ZSWIM6: variants seen among roughly 807,000 people sequenced by gnomAD.
ZSWIM6 encodes zinc finger SWIM-type containing 6, also known as zinc finger SWIM domain-containing protein 6.
ZSWIM6 carries 9 observed loss-of-function variants against 113.2 expected under a neutral mutation model. The ratio of observed to expected loss-of-function variants is 0.08; its 90% CI spans 0.05 to 0.14. The LOEUF (loss-of-function observed/expected upper bound fraction) is 0.14. Ranked by LOEUF, ZSWIM6 falls within the 10% of genes least tolerant of loss-of-function variation. The pLI is 1.00. For missense variants in ZSWIM6, 1,162 were observed against 1,552.2 expected (o/e 0.75, Z 4.22); for synonymous variants, 611 against 606.5 (o/e 1.01, Z -0.11).
chr5:61,372,298 C>A (rs551239126), intron 1 of ZSWIM6, among the ~76,000 whole-genome samples: 5 of 147,416 alleles, frequency 3.4e-5, no homozygotes, highest in Admixed American at 1.4e-4. Flanking sequence ...TTTTTTTTTT[C>A]ATATCCAAAT....
intron 9 of ZSWIM6, among the ~76,000 whole-genome samples, chr5:61,535,107 C>T (rs1356804058): frequency 6.6e-6 from 1 of 152,086 alleles, no homozygotes; most frequent in Non-Finnish European, 1.5e-5. Flanking sequence ...GCTGTGGTGT[C>T]ATCTGTGCAT....
chr5:61,509,622 A>G (rs1320784504), intron 4 of ZSWIM6, among the ~76,000 whole-genome samples: 1 of 152,186 alleles, frequency 6.6e-6, no homozygotes, highest in Non-Finnish European at 1.5e-5. Flanking sequence ...CTCTTTGCCT[A>G]TAGGCCCAGA....
intron 4 of ZSWIM6, among the ~76,000 whole-genome samples, chr5:61,519,496 T>C (rs1749055336): frequency 6.6e-6 from 1 of 152,192 alleles, no homozygotes; most frequent in African/African-American, 2.4e-5. Context: ...TTTTATTTTC[T>C]CTCTCCAATC....
chr5:61,343,603 G>C (rs1187765128), intron 1 of ZSWIM6, among the ~76,000 whole-genome samples: 1 of 152,156 alleles, frequency 6.6e-6, no homozygotes, highest in African/African-American at 2.4e-5. Context: ...GGCATACCTG[G>C]AGTCTTTTCT....
chr5:61,438,222 A>G (rs377759819), intron 1 of ZSWIM6, among the ~76,000 whole-genome samples: 1 of 152,224 alleles, frequency 6.6e-6, no homozygotes, highest in Non-Finnish European at 1.5e-5. Context: ...TTGCTGATGA[A>G]AGATAGTCAT....
intron 5 of ZSWIM6, among the ~76,000 whole-genome samples, chr5:61,522,642 G>A (rs966869826): frequency 6.6e-6 from 1 of 152,202 alleles, no homozygotes; most frequent in Non-Finnish European, 1.5e-5. Context: ...TTCAATATTT[G>A]AAGTCTGTCA....
intron 1 of ZSWIM6, among the ~76,000 whole-genome samples, chr5:61,385,829 C>G (rs575302832): frequency 6.6e-6 from 1 of 152,238 alleles, no homozygotes; most frequent in Admixed American, 6.5e-5. Context: ...TCTTGTCTTT[C>G]GAATAGAGGC....
chr5:61,508,353 A>G (rs1748683701), intron 4 of ZSWIM6, among the ~76,000 whole-genome samples: 1 of 152,210 alleles, frequency 6.6e-6, no homozygotes, highest in African/African-American at 2.4e-5. Context: ...TTGAAGTGAT[A>G]AAATTAGCAT....
intron 1 of ZSWIM6, among the ~76,000 whole-genome samples, chr5:61,398,323 T>G (rs1745881015): frequency 6.6e-6 from 1 of 152,176 alleles, no homozygotes; most frequent in Non-Finnish European, 1.5e-5. Flanking sequence ...GGATCTAGGT[T>G]GCACACTCCT....
intron 1 of ZSWIM6, among the ~76,000 whole-genome samples, chr5:61,384,011 G>A (rs929637796): frequency 2.8e-4 from 42 of 150,772 alleles, no homozygotes; most frequent in African/African-American, 9.9e-4. Context: ...GGAGGCCGAG[G>A]CAGGTGGATC....
chr5:61,390,897 T>C lies in ZSWIM6; in HGVS notation c.676+57949T>C, dbSNP rs942333479. On this transcript the variant is annotated intron_variant, in intron 1 of 13. Coordinates refer to ENST00000252744, the MANE Select transcript of ZSWIM6 (RefSeq NM_020928.2). Reference sequence around the variant, plus strand: ...ACAGTCTTTCAGCATGACAAAGTCATTGGTCACTTCACCATAGTGGACAAA... The same window carrying C: ...ACAGTCTTTCAGCATGACAAAGTCACTGGTCACTTCACCATAGTGGACAAA... 3.4e-6 allele frequency: 3 copies of C among 883,664 alleles called. No homozygotes were observed. In the African/African-American group the frequency reaches 4.9e-5, roughly 14 times the overall value. The allele number at this position is 883,664 out of a possible 1,614,324, so 54.7% of individuals were successfully genotyped here.
At chr5:61,450,133 T>G (rs1032970257) in intron 1 of ZSWIM6, among the ~76,000 whole-genome samples, 1 of 152,186 alleles carries the variant, frequency 6.6e-6, no homozygotes. Flanking sequence ...TCCAGGAGCC[T>G]CTTGAGCCTT....
intron 7 of ZSWIM6, among the ~76,000 whole-genome samples, chr5:61,526,722 C>T (rs1315413224): frequency 1.3e-5 from 2 of 152,038 alleles, no homozygotes; most frequent in Non-Finnish European, 2.9e-5. Context: ...TGTGGAAGTG[C>T]ATTTTAATTC....
intron 1 of ZSWIM6, among the ~76,000 whole-genome samples, chr5:61,449,548 G>T (rs1747040760): frequency 1.3e-5 from 2 of 152,022 alleles, no homozygotes; most frequent in African/African-American, 4.8e-5. Flanking sequence ...TTATTTAATT[G>T]TTAACAGCCT....
chr5:61,454,214 AATTTTATTTTATTTT>A (rs140502029), intron 1 of ZSWIM6, among the ~76,000 whole-genome samples: 21,382 of 128,408 alleles, frequency 0.17, 1,952 homozygotes, highest in Admixed American at 0.22. Flanking sequence ...GAGTTCCCTA[AATTTTATTTTATTTT>A]ATTTTATTTT....
At chr5:61,534,752 G>A (rs1314558106) in intron 9 of ZSWIM6, among the ~76,000 whole-genome samples, 1 of 152,062 alleles carries the variant, frequency 6.6e-6, no homozygotes, top group Non-Finnish European at 1.5e-5. Flanking sequence ...CTGCCACCAC[G>A]CCTGTCAGAA....
At chr5:61,404,038 C>A (rs1306596219) in intron 1 of ZSWIM6, among the ~76,000 whole-genome samples, 2 of 149,752 alleles carry the variant, frequency 1.3e-5, no homozygotes, top group Non-Finnish European at 3.0e-5. Context: ...GACGGAGTCT[C>A]GCTCTGCCGC....
chr5:61,337,890 A>G (rs938537532), intron 1 of ZSWIM6, among the ~76,000 whole-genome samples: 2 of 152,182 alleles, frequency 1.3e-5, no homozygotes, highest in African/African-American at 2.4e-5. Flanking sequence ...AACTAGAGGC[A>G]TATATTTTTG....
intron 1 of ZSWIM6, among the ~76,000 whole-genome samples, chr5:61,373,937 CAT>C (rs1426165741): frequency 6.6e-6 from 1 of 152,124 alleles, no homozygotes; most frequent in Non-Finnish European, 1.5e-5. Context: ...TCACTTTATG[CAT>C]ATGTGTCAAA....
Sources: gnomAD v4.1 joint callset for allele counts (sites outside exome capture counted in the v4.1 genomes callset) on GRCh38, gnomAD v4.1.1 for gene constraint, MANE v1.5 for transcripts, NCBI Gene and HGNC (gene_info 2026-07-23, HGNC 2026-07-21) for gene names.